Variants in USP47 observed in about 807,000 individuals in gnomAD.
The protein encoded by USP47 is ubiquitin specific peptidase 47.
USP47 carries 35 observed loss-of-function variants against 165.1 expected under a neutral mutation model. The observed-to-expected ratio is 0.21, with a 90% CI of 0.16 to 0.28. The LOEUF is 0.28. Among genes scored for constraint, USP47 ranks in the 10% least tolerant of loss-of-function variants. The probability of loss-of-function intolerance (pLI) is 1.00; values close to 1 mark genes in which losing one functional copy is unlikely to be tolerated. For synonymous variants in USP47, 531 were observed against 544.5 expected, an observed-to-expected ratio of 0.98 and a Z score of 0.35; for missense variants, 1,277 against 1,607.4, an observed-to-expected ratio of 0.79 and a Z score of 3.52.
At chr11:11,842,839 CTTTT>C (rs56251946) in intron 1 of USP47, among the ~76,000 whole-genome samples, 5 of 111,346 alleles carry the variant, frequency 4.5e-5, no homozygotes, top group Non-Finnish European at 1.8e-5. Flanking sequence ...GAGCTGAACT[CTTTT>C]TTTTTTTTTT....
In USP47 at chr11:11,955,049, C is replaced by T. The variant is rs777967087; in HGVS notation, c.3778C>T (p.Pro1260Ser). ...IEFAKGRGTF[P>S]CDISVLDIHQ... is the part of the protein sequence containing the mutation. ...TTCTTTTTAGGGTAGAGGAACATTT[C>T]CCTGTGATATTTCTGTCCTTGATAT... Residue 1260 changes from proline to serine, a missense_variant, in exon 27 of 28, where the codon CCC becomes TCC. By Grantham distance (74) the Pro-to-Ser change is moderately conservative. Coordinates refer to ENST00000527733, the MANE Select transcript of USP47 (RefSeq NM_001282659.2). 1.9e-6 allele frequency: 3 copies of T among 1,613,380 alleles called. No individual in the cohort carries two copies. The highest frequency in any genetic ancestry group is 2.5e-6 in the Non-Finnish European group (3 of 1,179,758).
chr11:11,844,059 C>T (rs999445242), intron 1 of USP47, among the ~76,000 whole-genome samples: 1 of 152,136 alleles, frequency 6.6e-6, no homozygotes, highest in African/African-American at 2.4e-5. Context: ...TTGATGGCCA[C>T]ACTCATTCTT....
intron 11 of USP47, among the ~76,000 whole-genome samples, chr11:11,923,339 T>C (rs546492996): frequency 4.1e-4 from 62 of 151,876 alleles, no homozygotes; most frequent in Non-Finnish European, 7.5e-4. Flanking sequence ...TGAAACACTT[T>C]ATGAGACAAT....
chr11:11,945,734 A>G (rs112231267), intron 20 of USP47, among the ~76,000 whole-genome samples: 226 of 152,094 alleles, frequency 1.5e-3, no homozygotes, highest in African/African-American at 5.2e-3. Flanking sequence ...CAGGAGTTAG[A>G]AACCAGCCTG....
At chr11:11,941,809 A>T (rs1855493148) in intron 19 of USP47, among the ~76,000 whole-genome samples, 1 of 151,834 alleles carries the variant, frequency 6.6e-6, no homozygotes, top group South Asian at 2.1e-4. Flanking sequence ...GTCTTAGAAA[A>T]TTTTTTTCTG....
intron 1 of USP47, among the ~76,000 whole-genome samples, chr11:11,869,224 T>A (rs1849875463): frequency 6.6e-6 from 1 of 152,180 alleles, no homozygotes; most frequent in Non-Finnish European, 1.5e-5. Flanking sequence ...CTATGTGTTT[T>A]CCTAAAGGTT....
intron 17 of USP47, 23 bp from the exon 18 acceptor site, chr11:11,938,234 G>A: frequency 6.3e-7 from 1 of 1,593,812 alleles, no homozygotes; most frequent in East Asian, 2.2e-5. Flanking sequence ...CCAATTCTGT[G>A]TTTATGTCTT....
Position 11,942,342 on chromosome 11 carries a change from T to C in USP47, c.2321T>C (p.Val774Ala). The change falls in exon 20 of 28, where the codon GTT (valine) becomes GCT (alanine). Residue 774 changes from valine to alanine, a missense_variant. Physicochemically the swap from Val to Ala is moderately conservative, Grantham distance 64 (BLOSUM62 0). Around this residue, in one of 4 missense-constraint regions of USP47, gnomAD observed 909 missense variants for 1,068.1 expected, o/e 0.85. Coordinates refer to ENST00000527733, the MANE Select transcript of USP47 (RefSeq NM_001282659.2). ...EGFFRSNKVF[V>A]ESSETLDYQM... ...CTCTGACTTACTATGTAGGTGTTTG[T>C]TGAAAGCTCCGAGACTTTGGATTAC... is the stretch of plus-strand genomic sequence containing the variant. 6.3e-7 allele frequency: 1 copy of C among 1,589,018 alleles called. No homozygotes were observed.
intron 5 of USP47, 148 bp downstream of exon 5, chr11:11,897,841 G>T: frequency 7.0e-6 from 4 of 570,942 alleles, no homozygotes; most frequent in Non-Finnish European, 1.2e-5. Context: ...TAATAACAAA[G>T]ATCTTGTGAA....
intron 3 of USP47, among the ~76,000 whole-genome samples, chr11:11,891,524 A>T (rs1191945587): frequency 6.6e-6 from 1 of 152,148 alleles, no homozygotes; most frequent in Non-Finnish European, 1.5e-5. Flanking sequence ...CAGTTCAGGG[A>T]TTCATGTTTT....
intron 1 of USP47, among the ~76,000 whole-genome samples, chr11:11,869,086 G>A (rs1226339237): frequency 2.0e-5 from 3 of 152,028 alleles, no homozygotes; most frequent in Non-Finnish European, 4.4e-5. Context: ...GTCCTTAACG[G>A]AATCTTTGCA....
chr11:11,924,113 T>C (rs1854063946), intron 11 of USP47, among the ~76,000 whole-genome samples: 2 of 146,766 alleles, frequency 1.4e-5, no homozygotes, highest in African/African-American at 4.9e-5. Context: ...CAGTTTCTTA[T>C]CATTGAGTGT....
chr11:11,847,719 G>A (rs1848506012), intron 1 of USP47, among the ~76,000 whole-genome samples: 1 of 152,066 alleles, frequency 6.6e-6, no homozygotes, highest in African/African-American at 2.4e-5. Flanking sequence ...TCTCCAATGT[G>A]TAGCCTTTCT....
intron 8 of USP47, among the ~76,000 whole-genome samples, chr11:11,912,229 A>G (rs1446861134): frequency 6.6e-6 from 1 of 151,966 alleles, no homozygotes; most frequent in Non-Finnish European, 1.5e-5. Flanking sequence ...AAGCCGAGAA[A>G]TCAGTAACAT....
At chr11:11,929,300 AGG>A in intron 11 of USP47, 132 bp from the exon 12 acceptor site, 1 of 1,247,010 alleles carries the variant, frequency 8.0e-7, no homozygotes, top group Non-Finnish European at 1.1e-6. Flanking sequence ...GTTTTACCTT[AGG>A]GGAAAGTTGA....
At chr11:11,924,627 C>T (rs916036127) in intron 11 of USP47, among the ~76,000 whole-genome samples, 28 of 152,188 alleles carry the variant, frequency 1.8e-4, no homozygotes, top group Admixed American at 3.3e-4. Flanking sequence ...GATTTAATTT[C>T]TATAATAGAT....
At chr11:11,920,280 G>A (rs759099409) in intron 9 of USP47, 29 bp downstream of exon 9, 1 of 1,605,198 alleles carries the variant, frequency 6.2e-7, no homozygotes, top group Non-Finnish European at 8.5e-7. Flanking sequence ...TTAATACTTA[G>A]GAATCTGAGA....
At chr11:11,932,290 G>A (rs1287166905) in intron 14 of USP47, among the ~76,000 whole-genome samples, 3 of 152,136 alleles carry the variant, frequency 2.0e-5, no homozygotes, top group Non-Finnish European at 4.4e-5. Flanking sequence ...CTCCCACCAG[G>A]CCCCACCTCC....
intron 1 of USP47, among the ~76,000 whole-genome samples, chr11:11,870,724 G>T (rs1422868030): frequency 6.6e-6 from 1 of 152,086 alleles, no homozygotes; most frequent in Non-Finnish European, 1.5e-5. Flanking sequence ...GTGGTTTCTG[G>T]TAAGAAAATT....
Sources: allele counts gnomAD v4.1 joint callset (sites outside exome capture counted in the v4.1 genomes callset), GRCh38; gene constraint gnomAD v4.1.1; regional missense constraint gnomAD v4.1.1; transcripts MANE v1.5; gene names NCBI Gene and HGNC (gene_info 2026-07-23, HGNC 2026-07-21).